Variants in CEP57 observed in about 807,000 individuals in gnomAD.
The protein encoded by CEP57 is centrosomal protein 57.
Under a neutral mutation model 68.0 loss-of-function variants are expected in CEP57, and 40 were observed. The observed-to-expected ratio is 0.59, with a 90% CI of 0.46 to 0.77. The LOEUF (loss-of-function observed/expected upper bound fraction) is 0.77. CEP57 is among the 30% of genes least tolerant of loss of function. The pLI, the probability that CEP57 is intolerant of heterozygous loss-of-function variation, is 0.00. For missense variants in CEP57, 606 were observed against 580.7 expected (o/e 1.04, Z -0.45); for synonymous variants, 219 against 198.7 (o/e 1.10, Z -0.86).
chr11:95,796,652 C>G (rs1861361228), intron 1 of CEP57, among the ~76,000 whole-genome samples: 1 of 152,168 alleles, frequency 6.6e-6, no homozygotes, highest in Non-Finnish European at 1.5e-5. Context: ...AAATTCTACA[C>G]CAACTGGGTG....
chr11:95,790,405 A>C, upstream of CEP57: 1 of 517,040 alleles, frequency 1.9e-6, no homozygotes, highest in Non-Finnish European at 3.5e-6. Flanking sequence ...CTACCTTGTG[A>C]CGTCACCAGG....
In CEP57 at chr11:95,795,559, T is replaced by C. The variant is rs1224974710; in HGVS notation, c.46-3673T>C. On this transcript the variant is annotated intron_variant, in intron 1 of 10. Coordinates refer to ENST00000325542, the MANE Select transcript of CEP57 (RefSeq NM_014679.5). ...GAAGTACAATGTTGACCAGAATTGA[T>C]GTAGGTATCTTTGTCTTACTCCTGA... 3.5e-5 allele frequency: 19 copies of C among 545,948 alleles called. No individual in the cohort carries two copies. Among genetic ancestry groups the C allele is most frequent in the African/African-American group, 1.8e-4 (9 of 51,300 alleles). 33.8% of individuals were successfully genotyped at this position (545,948 alleles called of 1,614,324 possible).
chr11:95,830,423 T>A (rs977826245), intron 10 of CEP57, among the ~76,000 whole-genome samples: 4 of 152,178 alleles, frequency 2.6e-5, no homozygotes, highest in Admixed American at 2.0e-4. Context: ...ATTAGACTTA[T>A]TCTATTGGAA....
At chr11:95,814,422 G>T (rs573842915) in intron 4 of CEP57, among the ~76,000 whole-genome samples, 1 of 145,568 alleles carries the variant, frequency 6.9e-6, no homozygotes, top group Non-Finnish European at 1.5e-5. Flanking sequence ...GAGCAACGGC[G>T]TGATCTCAGC....
intron 4 of CEP57, among the ~76,000 whole-genome samples, chr11:95,816,976 A>C (rs1260235907): frequency 1.3e-5 from 2 of 150,634 alleles, no homozygotes; most frequent in East Asian, 3.9e-4. Context: ...ATGCCACCGC[A>C]CTCCAGCCTG....
At chr11:95,796,612 T>G (rs143817807) in intron 1 of CEP57, among the ~76,000 whole-genome samples, 6 of 152,154 alleles carry the variant, frequency 3.9e-5, no homozygotes, top group Non-Finnish European at 7.4e-5. Context: ...ATAATAAAAC[T>G]CCTTTATTAG....
At chr11:95,796,283 A>G (rs543363744) in intron 1 of CEP57, among the ~76,000 whole-genome samples, 1 of 152,362 alleles carries the variant, frequency 6.6e-6, no homozygotes, top group South Asian at 2.1e-4. Flanking sequence ...GCTGCAGGAA[A>G]AGCTAGTGAT....
intron 8 of CEP57, chr11:95,826,408 G>A (rs1300571554): frequency 6.6e-6 from 1 of 152,106 alleles, no homozygotes; most frequent in Non-Finnish European, 1.5e-5. Context: ...GACACATAGT[G>A]GGGAACAACA....
chr11:95,807,046 C>T (rs115856782), intron 2 of CEP57, among the ~76,000 whole-genome samples: 7 of 152,268 alleles, frequency 4.6e-5, no homozygotes, highest in East Asian at 1.9e-4. Context: ...CAGGCAGCAA[C>T]GTTTGCCATT....
chr11:95,822,472 A>G, intron 7 of CEP57, 27 bp from the exon 8 acceptor site: 1 of 1,559,682 alleles, frequency 6.4e-7, no homozygotes, highest in Non-Finnish European at 8.8e-7. Context: ...AATAAAATAA[A>G]ATTGTTTTCC....
intron 2 of CEP57, among the ~76,000 whole-genome samples, chr11:95,807,412 A>G (rs1237891284): frequency 1.3e-5 from 2 of 152,334 alleles, no homozygotes; most frequent in African/African-American, 4.8e-5. Flanking sequence ...GGTGATAACA[A>G]ACTTCTCTGA....
chr11:95,792,881 C>G (rs1934050719), intron 1 of CEP57, among the ~76,000 whole-genome samples: 1 of 151,068 alleles, frequency 6.6e-6, no homozygotes, highest in South Asian at 2.1e-4. Context: ...TGGAAAAGCA[C>G]TTAGCTTATC....
chr11:95,817,946 GTTTT>G (rs528485045), intron 5 of CEP57, 43 bp downstream of exon 5: 1 of 1,160,216 alleles, frequency 8.6e-7, no homozygotes, highest in Non-Finnish European at 1.3e-6. Context: ...TATCAGGGTG[GTTTT>G]TTTTTAATGT....
chr11:95,821,516 A>G (rs1197343530), intron 6 of CEP57, among the ~76,000 whole-genome samples: 1 of 152,154 alleles, frequency 6.6e-6, no homozygotes, highest in African/African-American at 2.4e-5. Context: ...CTGGTAATGT[A>G]GTAGATGCCA....
At chr11:95,828,169 A>G in intron 9 of CEP57, 142 bp downstream of exon 9, 1 of 927,506 alleles carries the variant, frequency 1.1e-6, no homozygotes. Context: ...AGTTACTGGG[A>G]CTTTAACAAA....
At chr11:95,816,294 A>G (rs1368591036) in intron 4 of CEP57, among the ~76,000 whole-genome samples, 1 of 152,218 alleles carries the variant, frequency 6.6e-6, no homozygotes, top group Non-Finnish European at 1.5e-5. Flanking sequence ...AGCATGGGGA[A>G]CCACCACGAT....
At chr11:95,806,434 C>A (rs1202193256) in intron 2 of CEP57, among the ~76,000 whole-genome samples, 1 of 152,170 alleles carries the variant, frequency 6.6e-6, no homozygotes, top group Non-Finnish European at 1.5e-5. Context: ...GTTGTCTCAC[C>A]CGGGAAGCGC....
chr11:95,797,046 A>G (rs1184604171), intron 1 of CEP57, among the ~76,000 whole-genome samples: 1 of 152,110 alleles, frequency 6.6e-6, no homozygotes, highest in Non-Finnish European at 1.5e-5. Context: ...CTTTCATTAC[A>G]TAAATACATA....
In CEP57 at chr11:95,807,878, G is replaced by T. The variant is rs529372647; in HGVS notation, c.203-5054G>T. On this transcript the variant is annotated intron_variant, in intron 2 of 10. Transcript: ENST00000325542. ...CAGGAAATACAGATAATGCCACAAA[G>T]ATACTCCTCAAGGAGAGCAACTCCA... Among the ~76,000 whole-genome samples the T allele has an allele frequency of 7.9e-5, 12 of 152,246 alleles. No homozygotes were observed. In the East Asian group the frequency reaches 2.3e-3, roughly 29 times the overall value.
Sources: allele counts gnomAD v4.1 joint callset (sites outside exome capture counted in the v4.1 genomes callset), GRCh38; gene constraint gnomAD v4.1.1; transcripts MANE v1.5; gene names NCBI Gene and HGNC (gene_info 2026-07-23, HGNC 2026-07-21).